SYNE1: variants seen among roughly 807,000 people sequenced by gnomAD.
SYNE1 encodes the protein nesprin-1.
A neutral mutation model predicts 1,111.0 loss-of-function variants in SYNE1; 616 were observed. The ratio of observed to expected loss-of-function variants is 0.55; its 90% CI spans 0.52 to 0.59. SYNE1 has a LOEUF of 0.59. Among genes scored for constraint, SYNE1 ranks in the 20% least tolerant of loss-of-function variants. The probability of loss-of-function intolerance (pLI) is 0.00; values close to 1 mark genes in which losing one functional copy is unlikely to be tolerated. For missense variants in SYNE1, 10,006 were observed against 10,417.0 expected (o/e 0.96, Z 1.72); for synonymous variants, 3,855 against 3,825.8 (o/e 1.01, Z -0.28).
At chr6:152,523,034 C>A (rs1564625152) in intron 5 of SYNE1, among the ~76,000 whole-genome samples, 1 of 152,002 alleles carries the variant, frequency 6.6e-6, no homozygotes, top group Non-Finnish European at 1.5e-5. Context: ...ATTTCTTTTG[C>A]TTGCAGAAAC....
chr6:152,605,370 C>T (rs2099612034), intron 3 of SYNE1, among the ~76,000 whole-genome samples: 2 of 149,902 alleles, frequency 1.3e-5, no homozygotes, highest in African/African-American at 5.0e-5. Flanking sequence ...AATCATGTTT[C>T]CCCTCTTAAA....
intron 95 of SYNE1, among the ~76,000 whole-genome samples, chr6:152,286,317 A>G (rs1396213498): frequency 6.6e-6 from 1 of 152,030 alleles, no homozygotes; most frequent in Non-Finnish European, 1.5e-5. Flanking sequence ...AAAAATCACC[A>G]CTGTGTTAAC....
At chr6:152,627,656 TA>T (rs1035850191) in intron 3 of SYNE1, among the ~76,000 whole-genome samples, 1 of 151,944 alleles carries the variant, frequency 6.6e-6, no homozygotes, top group Admixed American at 6.6e-5. Context: ...GATTCCATCT[TA>T]AAAAAAATCA....
chr6:152,330,132 A>G lies in SYNE1; in HGVS notation c.14553T>C (p.Tyr4851=). 1 of 1,614,216 alleles carries G rather than the reference A, an allele frequency of 6.2e-7. No homozygotes were observed. The highest frequency in any genetic ancestry group is 8.5e-7 in the Non-Finnish European group (1 of 1,180,028). The change falls in exon 78 of 146, where the codon TAT becomes TAC. Residue 4851 remains tyrosine, a synonymous_variant. Transcript: ENST00000367255. ...ACTGGATCTGATGCCTGGCTTTCTC[A>G]TAAGCCAAGGGGTCAAGGTGTGGGG... ...DLAPHLDPLA[Y]EKARHQIQSW... is the part of the protein sequence containing the mutation.
chr6:152,534,485 A>G (rs2099224090), intron 4 of SYNE1, among the ~76,000 whole-genome samples: 1 of 152,140 alleles, frequency 6.6e-6, no homozygotes, highest in African/African-American at 2.4e-5. Flanking sequence ...GATATAATTG[A>G]CAAATAAAAA....
intron 84 of SYNE1, among the ~76,000 whole-genome samples, chr6:152,320,375 CTG>C (rs1213592313): frequency 1.3e-5 from 2 of 152,162 alleles, no homozygotes; most frequent in African/African-American, 4.8e-5. Flanking sequence ...TAGAGCACAA[CTG>C]TATGAGTTTT....
rs367864272 is a variant in SYNE1 at position 152,232,248 on chromosome 6, C to G, written c.20730G>C (p.Leu6910=). Residue 6910 remains leucine, a synonymous_variant, in exon 113 of 146, where the codon CTG becomes CTC. Transcript: ENST00000367255. ...CTTCAGAAATGGCATGGCGGGAAGG[C>G]AGTTTATCCATCTGGAGCTGTCCAA... The part of the protein sequence containing the change: ...EKLHQLQMDK[L]PSRHAISEVM... The G allele has an allele frequency of 5.5e-5, 88 of 1,613,934 alleles. No individual in the cohort carries two copies. The African/African-American group carries it at 1.1e-3, about 19-fold the overall frequency.
At chr6:152,545,270 A>C (rs2099304253) in intron 3 of SYNE1, among the ~76,000 whole-genome samples, 1 of 152,182 alleles carries the variant, frequency 6.6e-6, no homozygotes, top group Non-Finnish European at 1.5e-5. Context: ...AATTAATATC[A>C]CATTTAATAT....
rs1554233534 is a variant in SYNE1, at chr6:152,224,959, G to GTATACACATATATATGTA, written c.21352-296_21352-295insTACATATATATGTGTATA. Among the ~76,000 whole-genome samples the GTATACACATATATATGTA allele has an allele frequency of 2.2e-3, 314 of 145,334 alleles. 4 individuals are homozygous for GTATACACATATATATGTA. Among genetic ancestry groups the GTATACACATATATATGTA allele is most frequent in the South Asian group, 6.6e-3 (31 of 4,706 alleles). ...TACATATGTATACACATATATATGT[G>GTATACACATATATATGTA]TATATATATATACATATATGTATAT... On this transcript the variant is annotated intron_variant, in intron 116 of 145. Transcript: ENST00000367255.
Position 152,158,314 on chromosome 6 carries a change from T to C in SYNE1, c.23791-2217A>G, listed in dbSNP as rs573441911. Among the ~76,000 whole-genome samples the C allele has an allele frequency of 7.9e-5, 12 of 152,296 alleles. No individual in the cohort carries two copies. In the East Asian group the frequency reaches 2.3e-3, roughly 29 times the overall value. ...GTCCTTAATGTGTTTTCCTTTTCTT[T>C]TATCAGGAAGTTCTTGAATTTGCTT... On this transcript the variant is annotated intron_variant, in intron 131 of 145. Coordinates refer to ENST00000367255, the MANE Select transcript of SYNE1 (RefSeq NM_182961.4).
chr6:152,272,145 G>T (rs988648270), intron 98 of SYNE1, among the ~76,000 whole-genome samples: 1 of 152,226 alleles, frequency 6.6e-6, no homozygotes, highest in African/African-American at 2.4e-5. Flanking sequence ...ATTTTTCTCT[G>T]AATGATTTAG....
intron 27 of SYNE1, 39 bp from the exon 28 acceptor site, chr6:152,449,680 A>T (rs750702496): frequency 2.1e-6 from 3 of 1,417,698 alleles, no homozygotes; most frequent in Non-Finnish European, 3.0e-6. Flanking sequence ...AAGGGAGAAC[A>T]TACCAGAATG....
At chr6:152,320,616 T>A (rs896970718) in intron 84 of SYNE1, among the ~76,000 whole-genome samples, 1 of 152,190 alleles carries the variant, frequency 6.6e-6, no homozygotes, top group African/African-American at 2.4e-5. Context: ...GAAATCTCAC[T>A]CTGGTCTCAA....
In SYNE1 at chr6:152,455,586, A is replaced by T; in HGVS notation, c.2732T>A (p.Met911Lys). Residue 911 changes from methionine (M) to lysine (K), a missense_variant, in exon 24 of 146, where the codon ATG (methionine) becomes AAG (lysine). Around this residue, in one of 7 missense-constraint regions of SYNE1, gnomAD observed 1,971 missense variants for 2,084.1 expected, o/e 0.95. Transcript: ENST00000367255. ...IADIHVAFQS[M>K]VKKTGDWKKH... is the part of the protein sequence containing the mutation. ...CTTCCAATCTCCAGTTTTCTTTACCATACTCTTGATGTGAAAAACAATCAT... is the reference window on the plus strand; with the variant it reads ...CTTCCAATCTCCAGTTTTCTTTACCTTACTCTTGATGTGAAAAACAATCAT... The T allele has an allele frequency of 6.2e-7, 1 of 1,614,114 alleles. No individual in the cohort carries two copies. The highest frequency in any genetic ancestry group is 1.1e-5 in the South Asian group (1 of 91,080).
At chr6:152,510,122 A>G in intron 8 of SYNE1, 71 bp downstream of exon 8, 2 of 1,445,212 alleles carry the variant, frequency 1.4e-6, no homozygotes, top group South Asian at 2.3e-5. Flanking sequence ...CGCAATCATT[A>G]GAAGTTGCAA....
intron 3 of SYNE1, among the ~76,000 whole-genome samples, chr6:152,619,383 A>G (rs1201859094): frequency 6.6e-6 from 1 of 152,166 alleles, no homozygotes; most frequent in Non-Finnish European, 1.5e-5. Context: ...TTCCAGATGC[A>G]GATGCAATTT....
intron 145 of SYNE1, chr6:152,127,915 C>T (rs907010565): frequency 4.6e-5 from 7 of 152,106 alleles, no homozygotes; most frequent in Non-Finnish European, 8.8e-5. Context: ...TTCAGTGTTT[C>T]GGCCAGTCAT....
intron 85 of SYNE1, 34 bp downstream of exon 85, chr6:152,318,829 A>G: frequency 6.2e-7 from 1 of 1,612,890 alleles, no homozygotes. Context: ...TATTTAATTC[A>G]TTCAGTAGTA....
chr6:152,372,418 G>A (rs1052054356), intron 59 of SYNE1, among the ~76,000 whole-genome samples: 6 of 152,118 alleles, frequency 3.9e-5, no homozygotes, highest in African/African-American at 1.4e-4. Flanking sequence ...GCCAAAAAGT[G>A]TTTTAAAAGG....
Sources: gnomAD v4.1 joint callset for allele counts (sites outside exome capture counted in the v4.1 genomes callset) on GRCh38, gnomAD v4.1.1 for gene constraint, gnomAD v4.1.1 regional missense constraint, MANE v1.5 for transcripts, NCBI Gene and HGNC (gene_info 2026-07-23, HGNC 2026-07-21) for gene names.